The following ADD1 variants were observed in gnomAD, a reference collection of about 807,000 sequenced individuals.
ADD1 encodes the protein adducin 1.
A neutral mutation model predicts 80.5 loss-of-function variants in ADD1; 24 were observed. That is an observed-to-expected ratio of 0.30 (90% CI 0.22 to 0.42). ADD1 has a LOEUF of 0.42. Among genes scored for constraint, ADD1 ranks in the 10% least tolerant of loss-of-function variants. The pLI is 1.00. For missense variants in ADD1, 948 were observed against 1,019.0 expected, an observed-to-expected ratio of 0.93 and a Z score of 0.95; for synonymous variants, 373 against 393.8, an observed-to-expected ratio of 0.95 and a Z score of 0.63.
At chr4:2,873,381 C>T (rs1413127059) in intron 1 of ADD1, among the ~76,000 whole-genome samples, 2 of 152,192 alleles carry the variant, frequency 1.3e-5, no homozygotes, top group African/African-American at 4.8e-5. Context: ...CAGGTTTGTA[C>T]TGCAAAGTAG....
At chr4:2,889,725 G>C (rs1053519493) in intron 4 of ADD1, among the ~76,000 whole-genome samples, 2 of 152,186 alleles carry the variant, frequency 1.3e-5, no homozygotes, top group Non-Finnish European at 2.9e-5. Flanking sequence ...GGGAGGCTGA[G>C]ACAGGAGAAT....
At chr4:2,897,569 A>C (rs1411100206) in intron 6 of ADD1, among the ~76,000 whole-genome samples, 1 of 106,768 alleles carries the variant, frequency 9.4e-6, no homozygotes, top group Non-Finnish European at 1.8e-5. Flanking sequence ...TTTTTTTAGG[A>C]GATGAGGGTC....
chr4:2,880,217 G>T (rs1050430345), intron 2 of ADD1, among the ~76,000 whole-genome samples: 1 of 152,016 alleles, frequency 6.6e-6, no homozygotes, highest in African/African-American at 2.4e-5. Flanking sequence ...GGTAAATAGG[G>T]GGTCCTCAGA....
chr4:2,894,815 G>T, intron 6 of ADD1, 84 bp downstream of exon 6: 1 of 1,397,758 alleles, frequency 7.2e-7, no homozygotes, highest in Non-Finnish European at 9.5e-7. Flanking sequence ...TGCCCTTGTT[G>T]TTTATAGTCA....
rs1270463488 is a variant in ADD1 at position 2,884,417 on chromosome 4, A to G, written c.359-98A>G. 2 of 977,320 alleles carry G rather than the reference A, an allele frequency of 2.0e-6. 1 individual carries two copies. The highest frequency in any genetic ancestry group is 4.7e-5 in the South Asian group (2 of 42,522). The allele number at this position is 977,320 out of a possible 1,614,324, so 60.5% of individuals were successfully genotyped here. ...TCATAAGCACTACAGCCTCAAACTCATGGCTTCAAGTGATCCTCCTGCCTT... is the reference window on the plus strand; with the variant it reads ...TCATAAGCACTACAGCCTCAAACTCGTGGCTTCAAGTGATCCTCCTGCCTT... On this transcript the variant is annotated intron_variant, in intron 3 of 15. Transcript: ENST00000683351.
At chr4:2,858,713 G>A (rs968362066) in intron 1 of ADD1, among the ~76,000 whole-genome samples, 4 of 152,218 alleles carry the variant, frequency 2.6e-5, no homozygotes, top group Non-Finnish European at 5.9e-5. Context: ...CCAAGGCCAG[G>A]CAGTGGCTCA....
rs1472007492 is a variant in ADD1, at chr4:2,926,603, C to T, written c.2047+491C>T. ...CTGTGACTGAATGCATAGATTCTCT[C>T]CTTGTGCTTTTTTCTCCCTGTGGCT... On this transcript the variant is annotated intron_variant, in intron 15 of 15. Transcript: ENST00000683351. The surrounding 1 kb of genome is among the most constrained non-coding windows in gnomAD (Gnocchi z 5.0). 1.9e-6 allele frequency: 3 copies of T among 1,611,470 alleles called. No homozygotes were observed. The highest frequency in any genetic ancestry group is 1.7e-6 in the Non-Finnish European group (2 of 1,178,512).
Position 2,926,486 on chromosome 4 carries a change from T to C in ADD1, c.2047+374T>C. Reference sequence around the variant, plus strand: ...CCTCTCAGCCACCGTGTGTCTGTGGTGTGTGATCCCGGGTGTCTGTCCCTC... The same window carrying C: ...CCTCTCAGCCACCGTGTGTCTGTGGCGTGTGATCCCGGGTGTCTGTCCCTC... On this transcript the variant is annotated intron_variant, in intron 15 of 15. Coordinates refer to ENST00000683351, the MANE Select transcript of ADD1 (RefSeq NM_001354761.2). The surrounding 1 kb of genome is among the most constrained non-coding windows in gnomAD (Gnocchi z 5.0). 1.3e-6 allele frequency: 1 copy of C among 779,926 alleles called. No individual in the cohort carries two copies. The allele number at this position is 779,926 out of a possible 1,614,324, so 48.3% of individuals were successfully genotyped here.
At position 2,928,176 on chromosome 4, in the gene ADD1, G is replaced by C. The variant is rs768985237; in HGVS notation, c.2053G>C (p.Val685Leu). Residue 685 changes from valine to leucine, a missense_variant, in exon 16 of 16, where the codon GTG becomes CTG. Physicochemically the swap from Val to Leu is conservative, Grantham distance 32. Transcript: ENST00000683351. The part of the protein sequence containing the change: ...STPIKLEEDL[V>L]PEPTTGDDSD... The stretch of plus-strand genomic sequence containing the variant: ...TCTCTCACCTCACCCACTAGACCTT[G>C]TGCCGGAGCCGACTACTGGAGATGA... 71 of 1,614,010 alleles carry C rather than the reference G, an allele frequency of 4.4e-5. No homozygotes were observed. In the East Asian group the frequency reaches 1.6e-3, roughly 35 times the overall value.
At chr4:2,891,563 T>C (rs916089988) in intron 4 of ADD1, among the ~76,000 whole-genome samples, 3 of 152,208 alleles carry the variant, frequency 2.0e-5, no homozygotes, top group Admixed American at 6.5e-5. Flanking sequence ...TGTAGTTCAC[T>C]ATCCATGTAA....
intron 1 of ADD1, among the ~76,000 whole-genome samples, chr4:2,847,980 C>T (rs1005190879): frequency 6.6e-6 from 1 of 151,950 alleles, no homozygotes; most frequent in African/African-American, 2.4e-5. Flanking sequence ...TTTGGGAGGC[C>T]GAGGCAGGTG....
intron 1 of ADD1, among the ~76,000 whole-genome samples, chr4:2,866,454 G>GC (rs1729568951): frequency 6.6e-6 from 1 of 151,538 alleles, no homozygotes; most frequent in Admixed American, 6.6e-5. Flanking sequence ...GGGATTACAG[G>GC]CGTCAGCCTC....
At chr4:2,860,020 T>A (rs563690718) in intron 1 of ADD1, among the ~76,000 whole-genome samples, 2 of 152,240 alleles carry the variant, frequency 1.3e-5, no homozygotes, top group Non-Finnish European at 2.9e-5. Context: ...TTTTCCTTCC[T>A]TATAAAATCT....
chr4:2,851,606 T>G (rs993589171), intron 1 of ADD1, among the ~76,000 whole-genome samples: 1 of 152,258 alleles, frequency 6.6e-6, no homozygotes, highest in African/African-American at 2.4e-5. Context: ...AAACCATGCT[T>G]TCTAAGATTT....
intron 2 of ADD1, among the ~76,000 whole-genome samples, chr4:2,879,210 G>A (rs983663802): frequency 6.6e-6 from 1 of 152,196 alleles, no homozygotes; most frequent in African/African-American, 2.4e-5. Flanking sequence ...CAAACGTTAA[G>A]ATCCAGATTG....
In ADD1 at chr4:2,904,894, C is replaced by T. The variant is rs748041609; in HGVS notation, c.1292C>T (p.Ser431Phe). Reference sequence around the variant, plus strand: ...AGTGACGGTGATTCGGGCACTTGCTCCCCACTCAGACACAGTTTTCAGAAG... The same window carrying T: ...AGTGACGGTGATTCGGGCACTTGCTTCCCACTCAGACACAGTTTTCAGAAG... ...FASDGDSGTC[S>F]PLRHSFQKQQ... Residue 431 changes from serine (S) to phenylalanine (F), a missense_variant, in exon 10 of 16, where the codon TCC becomes TTC. Physicochemically the swap from Ser to Phe is radical, Grantham distance 155. Coordinates refer to ENST00000683351, the MANE Select transcript of ADD1 (RefSeq NM_001354761.2). 4 of 1,614,030 alleles carry T rather than the reference C, an allele frequency of 2.5e-6. No individual in the cohort carries two copies. The highest frequency in any genetic ancestry group is 1.7e-5 in the Admixed American group (1 of 59,992).
In ADD1 at chr4:2,875,907, G is replaced by T; in HGVS notation, c.-9G>T. 1 of 1,580,028 alleles carries T rather than the reference G, an allele frequency of 6.3e-7. No individual in the cohort carries two copies. Among genetic ancestry groups the T allele is most frequent in the African/African-American group, 1.4e-5 (1 of 73,318 alleles). ...TTTTGATTCTGTAGGAACCTAGAAAGATTGTACAATGAATGGTGATTCTCG... is the reference window on the plus strand; with the variant it reads ...TTTTGATTCTGTAGGAACCTAGAAATATTGTACAATGAATGGTGATTCTCG... On this transcript the variant is annotated 5_prime_UTR_variant, in exon 2 of 16. Coordinates refer to ENST00000683351, the MANE Select transcript of ADD1 (RefSeq NM_001354761.2).
chr4:2,877,982 C>T (rs541739927), intron 2 of ADD1, among the ~76,000 whole-genome samples: 82 of 152,122 alleles, frequency 5.4e-4, no homozygotes, highest in Non-Finnish European at 9.4e-4. Flanking sequence ...AAAAAGGAGA[C>T]GTGTTCCCAG....
At chr4:2,908,735 C>A (rs1276314476) in intron 12 of ADD1, 131 bp downstream of exon 12, 10 of 767,950 alleles carry the variant, frequency 1.3e-5, no homozygotes, top group Non-Finnish European at 1.9e-5. Context: ...TTTGTTAAAA[C>A]CTTCATGATG....
Sources: allele counts gnomAD v4.1 joint callset (sites outside exome capture counted in the v4.1 genomes callset), GRCh38; gene constraint gnomAD v4.1.1; non-coding constraint Gnocchi (gnomAD v3.1); transcripts MANE v1.5; gene names NCBI Gene and HGNC (gene_info 2026-07-23, HGNC 2026-07-21).